Variants in DCDC2 observed in about 807,000 individuals in gnomAD.
DCDC2 encodes the protein doublecortin domain containing 2.
DCDC2 carries 40 observed loss-of-function variants against 50.2 expected under a neutral mutation model. The ratio of observed to expected loss-of-function variants is 0.80; its 90% confidence interval spans 0.62 to 1.04. The LOEUF (loss-of-function observed/expected upper bound fraction) is 1.04, where lower values mean the gene tolerates loss of function less well. DCDC2 is among the 50% of genes least tolerant of loss of function. The pLI, the probability that DCDC2 is intolerant of heterozygous loss-of-function variation, is 0.00. For synonymous variants in DCDC2, 234 were observed against 210.6 expected, an observed-to-expected ratio of 1.11 and a Z score of -0.96; for missense variants, 570 against 581.9, an observed-to-expected ratio of 0.98 and a Z score of 0.21.
chr6:24,309,041 TA>T, intron 2 of DCDC2, among the ~76,000 whole-genome samples: 1 of 152,252 alleles, frequency 6.6e-6, no homozygotes, highest in Admixed American at 6.5e-5. Context: ...GAGTAATTTT[TA>T]AAACTTAAAA....
intron 2 of DCDC2, among the ~76,000 whole-genome samples, chr6:24,309,676 C>CA (rs940748196): frequency 3.3e-5 from 5 of 151,886 alleles, no homozygotes; most frequent in Admixed American, 6.6e-5. Flanking sequence ...TTAGATGGAA[C>CA]AAAAAAACAA....
At chr6:24,344,941 G>T (rs1581663080) in intron 2 of DCDC2, among the ~76,000 whole-genome samples, 1 of 152,156 alleles carries the variant, frequency 6.6e-6, no homozygotes, top group African/African-American at 2.4e-5. Flanking sequence ...AAAGTTTGGG[G>T]AGGGGCTTCA....
At chr6:24,358,894 T>TA (rs1561788448), upstream of DCDC2, among the ~76,000 whole-genome samples, 12 of 21,934 alleles carry the variant, frequency 5.5e-4, no homozygotes, top group South Asian at 2.5e-3. Context: ...TATATTTATA[T>TA]ATATAATATA....
At chr6:24,241,399 T>A (rs1762559532) in intron 7 of DCDC2, among the ~76,000 whole-genome samples, 1 of 152,314 alleles carries the variant, frequency 6.6e-6, no homozygotes, top group Middle Eastern at 3.4e-3. Flanking sequence ...CAATATTAGG[T>A]CTCTTTTGCA....
Position 24,276,359 on chromosome 6 carries a change from G to T in DCDC2, c.922+1690C>A, listed in dbSNP as rs574053081. 4.7e-5 allele frequency among the ~76,000 whole-genome samples: 7 copies of T among 150,248 alleles called. No homozygotes were observed. The East Asian group carries it at 1.4e-3, about 29-fold the overall frequency. ...GAAGTAAGGATTGGGATTTTCATAG[G>T]CTAACAAGAACCTCACAGAAAAGAA... is the stretch of plus-strand genomic sequence containing the variant. On this transcript the variant is annotated intron_variant, in intron 7 of 9. Transcript: ENST00000378454.
In DCDC2 at chr6:24,357,603, C is replaced by T; in HGVS notation, c.148G>A (p.Glu50Lys). ...KVSSFEVFLKEVTGGVQAPFG... is the reference protein window; with the variant it reads ...KVSSFEVFLKKVTGGVQAPFG... ...GGTGCCTGAACGCCGCCGGTCACCT[C>T]CTTCAGGAAGACTTCGAAGCTGGAC... The change falls in exon 1 of 10, where the codon GAG becomes AAG. Residue 50 changes from glutamate to lysine, a missense_variant. By Grantham distance (56) the Glu-to-Lys change is moderately conservative (BLOSUM62 1). Coordinates refer to ENST00000378454, the MANE Select transcript of DCDC2 (RefSeq NM_016356.5). 1 of 1,613,516 alleles carries T rather than the reference C, an allele frequency of 6.2e-7. No homozygotes were observed. The highest frequency in any genetic ancestry group is 8.5e-7 in the Non-Finnish European group (1 of 1,180,048).
chr6:24,212,082 T>A (rs1201501709), intron 7 of DCDC2, among the ~76,000 whole-genome samples: 1 of 151,780 alleles, frequency 6.6e-6, no homozygotes, highest in Non-Finnish European at 1.5e-5. Flanking sequence ...TAGATTCTCA[T>A]AGGAGCACAA....
intron 7 of DCDC2, among the ~76,000 whole-genome samples, chr6:24,207,932 T>C (rs533698947): frequency 3.3e-5 from 5 of 152,328 alleles, no homozygotes; most frequent in African/African-American, 9.6e-5. Context: ...GCCTCTTCTT[T>C]GAATGCTTCT....
At position 24,189,925 on chromosome 6, in the gene DCDC2, G is replaced by A. The variant is rs534188300; in HGVS notation, c.1024-11293C>T. Among the ~76,000 whole-genome samples, 7 of 152,182 alleles carry A rather than the reference G, an allele frequency of 4.6e-5. No homozygotes were observed. In the South Asian group the frequency reaches 6.2e-4, roughly 14 times the overall value. ...AGATGTTGAAAATACAGAAGTTATC[G>A]TACTTGTTTTTATTATTTCTGTTCC... is the stretch of plus-strand genomic sequence containing the variant. On this transcript the variant is annotated intron_variant, in intron 8 of 9. Transcript: ENST00000378454.
chr6:24,256,519 C>T (rs1942090305), intron 7 of DCDC2, among the ~76,000 whole-genome samples: 1 of 151,974 alleles, frequency 6.6e-6, no homozygotes, highest in South Asian at 2.1e-4. Flanking sequence ...TCCGTGTAAA[C>T]AGCTGGATGC....
At chr6:24,272,383 T>TA (rs757213886) in intron 7 of DCDC2, among the ~76,000 whole-genome samples, 56 of 152,146 alleles carry the variant, frequency 3.7e-4, no homozygotes, top group Non-Finnish European at 5.7e-4. Context: ...ACTTGATGTA[T>TA]AAAATCTGAC....
At chr6:24,215,958 G>A (rs1364761255) in intron 7 of DCDC2, among the ~76,000 whole-genome samples, 1 of 152,196 alleles carries the variant, frequency 6.6e-6, no homozygotes, top group East Asian at 1.9e-4. Context: ...TCAGGTTTAT[G>A]GCTTGGTTGT....
chr6:24,337,939 C>A (rs1025337498), intron 2 of DCDC2, among the ~76,000 whole-genome samples: 1 of 151,860 alleles, frequency 6.6e-6, no homozygotes, highest in Non-Finnish European at 1.5e-5. Context: ...ATTTTAAAAC[C>A]CTTCACTCCC....
At chr6:24,276,638 CTT>C (rs1220625309) in intron 7 of DCDC2, among the ~76,000 whole-genome samples, 1 of 152,044 alleles carries the variant, frequency 6.6e-6, no homozygotes. Flanking sequence ...TAAAGCCTCT[CTT>C]ATTTTTAGTG....
At chr6:24,206,241 T>C (rs1309275331) in intron 7 of DCDC2, among the ~76,000 whole-genome samples, 2 of 152,170 alleles carry the variant, frequency 1.3e-5, no homozygotes, top group Non-Finnish European at 2.9e-5. Flanking sequence ...ATGTGGACTG[T>C]TCTCTCAAGT....
At chr6:24,297,787 T>A (rs919364613) in intron 4 of DCDC2, among the ~76,000 whole-genome samples, 1 of 152,178 alleles carries the variant, frequency 6.6e-6, no homozygotes, top group African/African-American at 2.4e-5. Flanking sequence ...TTAAATAAAA[T>A]TTTAAAATAC....
intron 7 of DCDC2, among the ~76,000 whole-genome samples, chr6:24,259,254 TAAG>T (rs934423454): frequency 6.6e-6 from 1 of 152,114 alleles, no homozygotes; most frequent in Non-Finnish European, 1.5e-5. Context: ...GGCCTTAATG[TAAG>T]AAGAAATTTG....
intron 2 of DCDC2, among the ~76,000 whole-genome samples, chr6:24,334,142 A>G (rs563979407): frequency 6.6e-6 from 1 of 152,360 alleles, no homozygotes; most frequent in Non-Finnish European, 1.5e-5. Flanking sequence ...GTCCCTGATA[A>G]TGTCTTCACT....
the DCDC2 span, among the ~76,000 whole-genome samples, chr6:24,382,004 G>GAAGT: frequency 7.4e-6 from 1 of 134,526 alleles, no homozygotes; most frequent in Non-Finnish European, 1.5e-5. Context: ...AGGAAGGAAG[G>GAAGT]AAGGAAGGCA....
Sources: gnomAD v4.1 joint callset for allele counts (sites outside exome capture counted in the v4.1 genomes callset) on GRCh38, gnomAD v4.1.1 for gene constraint, MANE v1.5 for transcripts, NCBI Gene and HGNC (gene_info 2026-07-23, HGNC 2026-07-21) for gene names.